RHBDD1: variants seen among roughly 807,000 people sequenced by gnomAD.
RHBDD1 encodes the protein rhomboid domain containing 1, also known as rhomboid-related protein 4.
In RHBDD1, 38 loss-of-function variants were observed where a neutral mutation model predicts 36.3. The observed-to-expected ratio is 1.05, with a 90% CI of 0.81 to 1.37. The LOEUF is 1.37. RHBDD1 is among the 40% of genes most tolerant of loss of function. The pLI is 0.00. For missense variants in RHBDD1, 393 were observed against 377.6 expected (o/e 1.04, Z -0.34); for synonymous variants, 151 against 136.5 (o/e 1.11, Z -0.74).
At chr2:226,889,761 G>GGTAT (rs769837057) in intron 5 of RHBDD1, among the ~76,000 whole-genome samples, 1 of 152,106 alleles carries the variant, frequency 6.6e-6, no homozygotes, top group Non-Finnish European at 1.5e-5. Context: ...GCCAGCCGAA[G>GGTAT]GTATATCCAT....
chr2:226,973,367 G>A (rs1953940521), intron 8 of RHBDD1, among the ~76,000 whole-genome samples: 1 of 152,208 alleles, frequency 6.6e-6, no homozygotes, highest in African/African-American at 2.4e-5. Context: ...ACCAAGAAGT[G>A]GGTGCCTGGG....
chr2:226,964,216 G>T (rs1409663227), intron 8 of RHBDD1, among the ~76,000 whole-genome samples: 1 of 152,140 alleles, frequency 6.6e-6, no homozygotes, highest in Non-Finnish European at 1.5e-5. Flanking sequence ...CTTCAACTTT[G>T]AATCTTGCCT....
chr2:226,998,820 G>A lies in RHBDD1; in HGVS notation c.*3298G>A, dbSNP rs1218636381. The A allele has an allele frequency of 6.6e-6, 1 of 152,132 alleles. No homozygotes were observed. Among genetic ancestry groups the A allele is most frequent in the East Asian group, 1.9e-4 (1 of 5,198 alleles). 9.4% of individuals were successfully genotyped at this position (152,132 alleles called of 1,614,324 possible). ...GGTCAAAGTCATTAGCCTCAACAGT[G>A]GGCTTCAACCAGCCTTTGGACCTCA... is the stretch of plus-strand genomic sequence containing the variant. On this transcript the variant is annotated 3_prime_UTR_variant, in exon 9 of 9. Coordinates refer to ENST00000392062, the MANE Select transcript of RHBDD1 (RefSeq NM_001167608.3).
chr2:226,937,614 C>T (rs1339404243), intron 8 of RHBDD1, among the ~76,000 whole-genome samples: 1 of 152,114 alleles, frequency 6.6e-6, no homozygotes, highest in East Asian at 1.9e-4. Context: ...CTCCAATAGG[C>T]ACCATTGTGC....
chr2:226,907,083 G>A, intron 6 of RHBDD1: 14 of 629,522 alleles, frequency 2.2e-5, no homozygotes, highest in South Asian at 1.7e-4. Flanking sequence ...CTTAAATTTC[G>A]AATCTGATAC....
In RHBDD1 at chr2:226,916,229, C is replaced by G. The variant is rs7560867; in HGVS notation, c.856+1878C>G. Among the ~76,000 whole-genome samples, 632 of 152,044 alleles carry G rather than the reference C, an allele frequency of 4.2e-3. 6 individuals are homozygous for G. The South Asian group carries it at 0.042, about 10-fold the overall frequency. ...GATAGTCTCCACCTCTTGGAGGAAC[C>G]GCAAAGTCACATGCAATGGTTATGG... On this transcript the variant is annotated intron_variant, in intron 8 of 8. Transcript: ENST00000392062.
At chr2:226,981,248 G>A (rs1243685982) in intron 8 of RHBDD1, among the ~76,000 whole-genome samples, 1 of 152,080 alleles carries the variant, frequency 6.6e-6, no homozygotes, top group Non-Finnish European at 1.5e-5. Context: ...GATAGCACTG[G>A]GAGAAATACC....
At chr2:226,961,498 G>A (rs1261619180) in intron 8 of RHBDD1, among the ~76,000 whole-genome samples, 1 of 152,018 alleles carries the variant, frequency 6.6e-6, no homozygotes, top group Non-Finnish European at 1.5e-5. Context: ...GTAACATTTA[G>A]CAAGTCCCTT....
At chr2:226,959,808 C>CT (rs529315790) in intron 8 of RHBDD1, among the ~76,000 whole-genome samples, 9 of 151,322 alleles carry the variant, frequency 5.9e-5, no homozygotes, top group African/African-American at 1.9e-4. Flanking sequence ...TGTATGTTTA[C>CT]TTTTTTTTTG....
chr2:226,820,644 C>CAAA, the RHBDD1 span, among the ~76,000 whole-genome samples: 440 of 62,996 alleles, frequency 7.0e-3, no homozygotes, highest in Middle Eastern at 0.015. Context: ...TCCATCTCCA[C>CAAA]AAAAAAAAAA....
the RHBDD1 span, among the ~76,000 whole-genome samples, chr2:226,818,604 G>A: frequency 1.2e-4 from 18 of 151,484 alleles, no homozygotes; most frequent in Admixed American, 9.9e-4. Context: ...ACTTTGGGAG[G>A]CCGAGGTGGG....
chr2:226,849,484 T>C (rs1027394685), intron 3 of RHBDD1, among the ~76,000 whole-genome samples: 1 of 152,178 alleles, frequency 6.6e-6, no homozygotes, highest in East Asian at 1.9e-4. Context: ...CAGGTGTGTG[T>C]CTCAGGCTAA....
the RHBDD1 span, among the ~76,000 whole-genome samples, chr2:226,802,189 TA>T: frequency 4.6e-4 from 70 of 152,328 alleles, no homozygotes; most frequent in African/African-American, 1.3e-3. Context: ...ATAAACCTTT[TA>T]AAAAATATAT....
chr2:226,990,765 T>TAAAA (rs1958008409), intron 8 of RHBDD1, among the ~76,000 whole-genome samples: 1 of 152,188 alleles, frequency 6.6e-6, no homozygotes, highest in South Asian at 2.1e-4. Flanking sequence ...AGGTAAATCA[T>TAAAA]CTTAACACGG....
chr2:226,869,150 C>A (rs146075761), intron 5 of RHBDD1: 6 of 984,870 alleles, frequency 6.1e-6, no homozygotes, highest in Admixed American at 6.1e-5. Flanking sequence ...AGGGTTCCCC[C>A]CAACTTACAT....
At chr2:226,943,131 T>C (rs1950770030) in intron 8 of RHBDD1, among the ~76,000 whole-genome samples, 1 of 152,200 alleles carries the variant, frequency 6.6e-6, no homozygotes, top group Non-Finnish European at 1.5e-5. Context: ...AGTTCTCCAG[T>C]GATTCAAAAC....
intron 3 of RHBDD1, among the ~76,000 whole-genome samples, chr2:226,861,892 C>T (rs1376768119): frequency 6.6e-6 from 1 of 152,176 alleles, no homozygotes; most frequent in Non-Finnish European, 1.5e-5. Flanking sequence ...ATTAAATTCT[C>T]TAGTTCATAA....
At chr2:226,978,044 A>G (rs920329430) in intron 8 of RHBDD1, among the ~76,000 whole-genome samples, 1 of 152,210 alleles carries the variant, frequency 6.6e-6, no homozygotes, top group African/African-American at 2.4e-5. Flanking sequence ...ATGTTGGTGT[A>G]GTGTCCTCAC....
At chr2:226,962,505 G>T (rs575469419) in intron 8 of RHBDD1, among the ~76,000 whole-genome samples, 1 of 152,168 alleles carries the variant, frequency 6.6e-6, no homozygotes, top group African/African-American at 2.4e-5. Context: ...GAATTTAATC[G>T]CAGTCTAGTC....
Sources: gnomAD v4.1 joint callset for allele counts (sites outside exome capture counted in the v4.1 genomes callset) on GRCh38, gnomAD v4.1.1 for gene constraint, MANE v1.5 for transcripts, NCBI Gene and HGNC (gene_info 2026-07-23, HGNC 2026-07-21) for gene names.